Variants in PDE4D observed in about 807,000 individuals in gnomAD.
PDE4D encodes 3',5'-cyclic-AMP phosphodiesterase 4D.
A neutral mutation model predicts 87.4 loss-of-function variants in PDE4D; 24 were observed. The observed-to-expected ratio is 0.27, with a 90% confidence interval of 0.20 to 0.39. The LOEUF (loss-of-function observed/expected upper bound fraction) is 0.39, where lower values mean the gene tolerates loss of function less well. Ranked by LOEUF, PDE4D falls within the 10% of genes least tolerant of loss-of-function variation. The pLI, the probability that PDE4D is intolerant of heterozygous loss-of-function variation, is 1.00. For synonymous variants in PDE4D, 384 were observed against 383.2 expected (o/e 1.00, Z -0.02); for missense variants, 714 against 1,041.0 (o/e 0.69, Z 4.32).
intron 1 of PDE4D, among the ~76,000 whole-genome samples, chr5:59,648,519 T>C (rs1045973626): frequency 7.2e-5 from 11 of 152,180 alleles, no homozygotes; most frequent in African/African-American, 2.4e-4. Flanking sequence ...GACTAATTAT[T>C]AATTTAAAGG....
At chr5:59,906,182 A>G (rs778397626) in intron 3 of PDE4D, among the ~76,000 whole-genome samples, 1 of 152,154 alleles carries the variant, frequency 6.6e-6, no homozygotes, top group Non-Finnish European at 1.5e-5. Context: ...ATAATTAGAA[A>G]ACACTGGAAC....
intron 1 of PDE4D, among the ~76,000 whole-genome samples, chr5:60,412,805 C>A (rs1742151963): frequency 6.6e-6 from 1 of 152,122 alleles, no homozygotes; most frequent in East Asian, 1.9e-4. Context: ...TAACAGCCAG[C>A]TGATTGTTTT....
intron 1 of PDE4D, among the ~76,000 whole-genome samples, chr5:60,418,536 C>T (rs1002701248): frequency 2.0e-5 from 3 of 151,636 alleles, no homozygotes; most frequent in African/African-American, 7.3e-5. Flanking sequence ...GACTATTTTC[C>T]TTTATTTTCT....
At chr5:59,032,397 T>C (rs563373532) in intron 6 of PDE4D, among the ~76,000 whole-genome samples, 26 of 152,230 alleles carry the variant, frequency 1.7e-4, no homozygotes, top group African/African-American at 5.8e-4. Flanking sequence ...CTGGCCAACA[T>C]GGTGAAACCC....
chr5:59,952,111 A>G (rs1357096904), intron 3 of PDE4D, among the ~76,000 whole-genome samples: 2 of 152,060 alleles, frequency 1.3e-5, no homozygotes, highest in African/African-American at 4.8e-5. Context: ...TTCTAAAGAG[A>G]TCTGATAGTT....
chr5:59,881,048 A>C (rs1749358124), intron 1 of PDE4D, among the ~76,000 whole-genome samples: 1 of 152,186 alleles, frequency 6.6e-6, no homozygotes, highest in Non-Finnish European at 1.5e-5. Context: ...CCATTTTGCC[A>C]GGATGATGAT....
At chr5:60,405,634 T>C (rs1263458933) in intron 1 of PDE4D, among the ~76,000 whole-genome samples, 2 of 152,262 alleles carry the variant, frequency 1.3e-5, no homozygotes, top group Non-Finnish European at 1.5e-5. Flanking sequence ...CAAATGCTTA[T>C]GGTATTGCTT....
In PDE4D at chr5:59,038,986, G is replaced by T; in HGVS notation, c.809-15C>A. Reference sequence around the variant, plus strand: ...GTAGGCCTCCTCTGCGAAGAGACAGGGAAAGGGGGACTCAGTTCTCAAGCG... The same window carrying T: ...GTAGGCCTCCTCTGCGAAGAGACAGTGAAAGGGGGACTCAGTTCTCAAGCG... On this transcript the variant is annotated splice_polypyrimidine_tract_variant and intron_variant, in intron 5 of 14. Coordinates refer to ENST00000340635, the MANE Select transcript of PDE4D (RefSeq NM_001104631.2). 6.4e-7 allele frequency: 1 copy of T among 1,564,220 alleles called. No individual in the cohort carries two copies. The highest frequency in any genetic ancestry group is 8.7e-7 in the Non-Finnish European group (1 of 1,153,566).
intron 3 of PDE4D, among the ~76,000 whole-genome samples, chr5:59,914,536 A>ATG (rs34257506): frequency 0.11 from 15,803 of 145,226 alleles, 1,102 homozygotes; most frequent in African/African-American, 0.21. Flanking sequence ...AGGAAGATGT[A>ATG]TGTGTGTGTG....
At chr5:59,090,226 A>G (rs1768441202) in intron 5 of PDE4D, among the ~76,000 whole-genome samples, 1 of 152,156 alleles carries the variant, frequency 6.6e-6, no homozygotes, top group Non-Finnish European at 1.5e-5. Context: ...AAAAACAAAC[A>G]AACACTTCAT....
intron 2 of PDE4D, among the ~76,000 whole-genome samples, chr5:60,180,238 C>T (rs767184473): frequency 6.6e-6 from 1 of 152,162 alleles, no homozygotes; most frequent in Non-Finnish European, 1.5e-5. Flanking sequence ...TCTTTCAGAC[C>T]TTTCCTGTCA....
intron 1 of PDE4D, among the ~76,000 whole-genome samples, chr5:59,861,572 A>G (rs1746294203): frequency 6.6e-6 from 1 of 152,214 alleles, no homozygotes; most frequent in African/African-American, 2.4e-5. Flanking sequence ...AATTATATGG[A>G]GAAAAAGAGA....
intron 1 of PDE4D, among the ~76,000 whole-genome samples, chr5:59,829,935 T>TA (rs957704579): frequency 1.3e-4 from 19 of 151,724 alleles, no homozygotes; most frequent in East Asian, 7.8e-4. Flanking sequence ...TTTTTAATTT[T>TA]AAAAAAAATC....
At chr5:59,640,312 G>A (rs1300444467) in intron 1 of PDE4D, among the ~76,000 whole-genome samples, 5 of 152,132 alleles carry the variant, frequency 3.3e-5, no homozygotes, top group Admixed American at 1.3e-4. Flanking sequence ...CTTGAGCCCT[G>A]GCTTTCAGAC....
At chr5:59,693,136 TG>T (rs1277041340) in intron 1 of PDE4D, among the ~76,000 whole-genome samples, 1 of 143,512 alleles carries the variant, frequency 7.0e-6, no homozygotes, top group Non-Finnish European at 1.6e-5. Flanking sequence ...ACCCTGAAAT[TG>T]TATATGTTTT....
intron 6 of PDE4D, chr5:58,999,650 G>A: frequency 8.7e-7 from 1 of 1,143,232 alleles, no homozygotes; most frequent in Non-Finnish European, 1.1e-6. Flanking sequence ...CGCAGAGTAT[G>A]AGTTTTTAAA....
At chr5:60,290,591 C>T (rs1432471791) in intron 1 of PDE4D, among the ~76,000 whole-genome samples, 1 of 152,014 alleles carries the variant, frequency 6.6e-6, no homozygotes. Context: ...ATTGCTTGAG[C>T]TTAGGAGTTT....
At chr5:59,521,919 T>C (rs140640302) in intron 1 of PDE4D, among the ~76,000 whole-genome samples, 25 of 152,320 alleles carry the variant, frequency 1.6e-4, no homozygotes, top group African/African-American at 5.3e-4. Context: ...TTACTATTGA[T>C]GAACATGAAG....
intron 3 of PDE4D, among the ~76,000 whole-genome samples, chr5:59,964,972 T>C (rs943958364): frequency 1.3e-5 from 2 of 152,132 alleles, no homozygotes; most frequent in African/African-American, 4.8e-5. Flanking sequence ...CTTCAAGGCC[T>C]TTGCACATAC....
Sources: gnomAD v4.1 joint callset for allele counts (sites outside exome capture counted in the v4.1 genomes callset) on GRCh38, gnomAD v4.1.1 for gene constraint, MANE v1.5 for transcripts, NCBI Gene and HGNC (gene_info 2026-07-23, HGNC 2026-07-21) for gene names.